Variants in PCSK2 observed in about 807,000 individuals in gnomAD.
PCSK2 encodes proprotein convertase subtilisin/kexin type 2, also known as neuroendocrine convertase 2.
A neutral mutation model predicts 69.7 loss-of-function variants in PCSK2; 14 were observed. The ratio of observed to expected loss-of-function variants is 0.20; its 90% CI spans 0.13 to 0.31. The LOEUF is 0.31. Among genes scored for constraint, PCSK2 ranks in the 10% least tolerant of loss-of-function variants. PCSK2 has a pLI of 1.00. For missense variants in PCSK2, 544 were observed against 842.5 expected, an observed-to-expected ratio of 0.65 and a Z score of 4.39; for synonymous variants, 307 against 320.7, an observed-to-expected ratio of 0.96 and a Z score of 0.46.
intron 2 of PCSK2, among the ~76,000 whole-genome samples, chr20:17,276,728 CAGG>C (rs1488277320): frequency 1.3e-5 from 2 of 151,938 alleles, no homozygotes; most frequent in Admixed American, 1.3e-4. Context: ...GGCAATCAGG[CAGG>C]AGAAGGAAAT....
At chr20:17,248,406 G>A (rs1051152910) in intron 1 of PCSK2, among the ~76,000 whole-genome samples, 45 of 152,222 alleles carry the variant, frequency 3.0e-4, no homozygotes, top group African/African-American at 1.1e-3. Flanking sequence ...GTCTGTGTAG[G>A]CAGCAAGTAC....
At chr20:17,309,275 T>A (rs1479102580) in intron 2 of PCSK2, among the ~76,000 whole-genome samples, 1 of 152,196 alleles carries the variant, frequency 6.6e-6, no homozygotes, top group Non-Finnish European at 1.5e-5. Context: ...GCTGTAGTGA[T>A]GAGTGTTAGA....
intron 1 of PCSK2, among the ~76,000 whole-genome samples, chr20:17,247,785 C>A (rs1021310186): frequency 6.6e-6 from 1 of 152,214 alleles, no homozygotes; most frequent in Non-Finnish European, 1.5e-5. Context: ...TTAAAAGAAG[C>A]AGGAAATAGG....
intron 2 of PCSK2, among the ~76,000 whole-genome samples, chr20:17,340,268 G>A (rs6080642): frequency 0.39 from 59,617 of 151,388 alleles, 12,864 homozygotes; most frequent in African/African-American, 0.57. Context: ...CTGTTGAGAA[G>A]GCATTCAGAA....
Position 17,248,175 on chromosome 20 carries a change from GGTGTGTGTGTGTGTGT to G in PCSK2, c.178-12040_178-12025del, listed in dbSNP as rs10640964. 1.5e-4 allele frequency among the ~76,000 whole-genome samples: 21 copies of G among 144,482 alleles called. 1 individual carries two copies. The highest frequency in any genetic ancestry group is 5.4e-4 in the African/African-American group (21 of 38,874). 94.8% of individuals were successfully genotyped at this position (144,482 alleles called of 152,430 possible). ...AGAACAAAGTGATGATATAAAAAAG[GGTGTGTGTGTGTGTGT>G]GTGTGTGTGTGTGTGTGTGTGTGTT... On this transcript the variant is annotated intron_variant, in intron 1 of 11. Coordinates refer to ENST00000262545, the MANE Select transcript of PCSK2 (RefSeq NM_002594.5).
At chr20:17,461,521 A>G (rs946027284) in intron 10 of PCSK2, among the ~76,000 whole-genome samples, 1 of 152,232 alleles carries the variant, frequency 6.6e-6, no homozygotes, top group African/African-American at 2.4e-5. Flanking sequence ...AAGTAAAGGG[A>G]TTAAAATTCT....
intron 11 of PCSK2, among the ~76,000 whole-genome samples, chr20:17,472,623 G>A (rs2033221122): frequency 6.6e-6 from 1 of 152,186 alleles, no homozygotes; most frequent in South Asian, 2.1e-4. Flanking sequence ...CTGGAGTGCA[G>A]TGGCACGATC....
At chr20:17,272,786 A>G (rs1447645594) in intron 2 of PCSK2, among the ~76,000 whole-genome samples, 1 of 152,114 alleles carries the variant, frequency 6.6e-6, no homozygotes, top group Non-Finnish European at 1.5e-5. Flanking sequence ...GTTAAATGAA[A>G]AAACAGTGTC....
At chr20:17,480,184 C>CT (rs1164266992) in intron 11 of PCSK2, among the ~76,000 whole-genome samples, 1,199 of 76,932 alleles carry the variant, frequency 0.016, 59 homozygotes, top group East Asian at 0.035. Context: ...TTCAGCTTTT[C>CT]TTTTTTTTTT....
chr20:17,298,511 G>A (rs1175365332), intron 2 of PCSK2, among the ~76,000 whole-genome samples: 3 of 152,132 alleles, frequency 2.0e-5, no homozygotes, highest in African/African-American at 7.2e-5. Flanking sequence ...GAATTGTCCA[G>A]CCCAAAATGC....
At chr20:17,382,653 C>A (rs772520674) in intron 5 of PCSK2, among the ~76,000 whole-genome samples, 2 of 152,156 alleles carry the variant, frequency 1.3e-5, no homozygotes, top group Non-Finnish European at 2.9e-5. Flanking sequence ...GCATCACTTC[C>A]CTCCTGGACC....
At chr20:17,291,707 C>T (rs1299816263) in intron 2 of PCSK2, among the ~76,000 whole-genome samples, 3 of 152,126 alleles carry the variant, frequency 2.0e-5, no homozygotes, top group Non-Finnish European at 4.4e-5. Flanking sequence ...TTGTGTTTGG[C>T]TGCTAGGAAC....
chr20:17,380,716 A>G (rs2031063681), intron 5 of PCSK2, among the ~76,000 whole-genome samples: 1 of 152,202 alleles, frequency 6.6e-6, no homozygotes, highest in African/African-American at 2.4e-5. Flanking sequence ...GAAGAACACA[A>G]GCCTAAGGTG....
intron 2 of PCSK2, among the ~76,000 whole-genome samples, chr20:17,350,193 G>T (rs751620343): frequency 6.7e-6 from 1 of 148,150 alleles, no homozygotes. Context: ...TCCAAATAAG[G>T]TCACATTCTG....
chr20:17,462,581 A>G (rs1336076639), intron 10 of PCSK2, among the ~76,000 whole-genome samples: 4 of 152,196 alleles, frequency 2.6e-5, no homozygotes, highest in Admixed American at 2.6e-4. Flanking sequence ...CATTTTCAAT[A>G]CTGAGTTGTC....
chr20:17,373,718 T>A (rs1157190182), intron 5 of PCSK2, among the ~76,000 whole-genome samples: 3 of 152,386 alleles, frequency 2.0e-5, no homozygotes, highest in Middle Eastern at 3.4e-3. Flanking sequence ...AAAGCTTGGT[T>A]ATTCTGTATA....
At position 17,269,069 on chromosome 20, in the gene PCSK2, G is replaced by A. The variant is rs551545533; in HGVS notation, c.282+8725G>A. 8.5e-5 allele frequency among the ~76,000 whole-genome samples: 13 copies of A among 152,330 alleles called. No individual in the cohort carries two copies. In the South Asian group the frequency reaches 2.5e-3, roughly 29 times the overall value. Reference sequence around the variant, plus strand: ...GGTGAGAGGAGCAGGTTGATGGGGAGTGGTTAGGGAATTAAGAGTTTAGTT... The same window carrying A: ...GGTGAGAGGAGCAGGTTGATGGGGAATGGTTAGGGAATTAAGAGTTTAGTT... On this transcript the variant is annotated intron_variant, in intron 2 of 11. Transcript: ENST00000262545.
chr20:17,278,621 A>C (rs1988184707), intron 2 of PCSK2, among the ~76,000 whole-genome samples: 1 of 152,158 alleles, frequency 6.6e-6, no homozygotes, highest in Admixed American at 6.5e-5. Context: ...CCTAATGCTA[A>C]ATGACGAGTT....
At chr20:17,347,892 GAA>G (rs1464627956) in intron 2 of PCSK2, among the ~76,000 whole-genome samples, 2 of 7,830 alleles carry the variant, frequency 2.6e-4, no homozygotes, top group Non-Finnish European at 6.9e-4. Context: ...AAGAAAGAAA[GAA>G]AGAAAGAAAG....
Sources: gnomAD v4.1 joint callset for allele counts (sites outside exome capture counted in the v4.1 genomes callset) on GRCh38, gnomAD v4.1.1 for gene constraint, MANE v1.5 for transcripts, NCBI Gene and HGNC (gene_info 2026-07-23, HGNC 2026-07-21) for gene names.